Variants in CCDC13 observed in about 807,000 individuals in gnomAD.
CCDC13 encodes coiled-coil domain containing 13.
Under a neutral mutation model 87.3 loss-of-function variants are expected in CCDC13, and 70 were observed. The observed-to-expected ratio is 0.80, with a 90% CI of 0.66 to 0.98. CCDC13 has a LOEUF of 0.98. Among genes scored for constraint, CCDC13 ranks in the 50% least tolerant of loss-of-function variants. CCDC13 has a pLI of 0.00. For missense variants in CCDC13, 842 were observed against 892.0 expected (o/e 0.94, Z 0.71); for synonymous variants, 317 against 360.3 (o/e 0.88, Z 1.36).
In CCDC13 at chr3:42,712,119, T is replaced by C. The variant is rs548893816; in HGVS notation, c.1873+1043A>G. ...CAACACCCTCTTTATGCCCTACTTC[T>C]GGCACACCCTTCTGAAACGTTCTGA... On this transcript the variant is annotated intron_variant, in intron 14 of 15. Transcript: ENST00000310232. 4.2e-4 allele frequency among the ~76,000 whole-genome samples: 64 copies of C among 152,298 alleles called. No individual in the cohort carries two copies. In the South Asian group the frequency reaches 7.9e-3, roughly 19 times the overall value.
intron 1 of CCDC13, among the ~76,000 whole-genome samples, chr3:42,763,358 C>A (rs925778501): frequency 6.6e-6 from 1 of 152,110 alleles, no homozygotes; most frequent in African/African-American, 2.4e-5. Context: ...TTTAACACAT[C>A]CCACAGACAT....
intron 13 of CCDC13, among the ~76,000 whole-genome samples, chr3:42,730,196 G>A (rs1243524203): frequency 6.6e-6 from 1 of 152,008 alleles, no homozygotes; most frequent in Non-Finnish European, 1.5e-5. Flanking sequence ...TTTACTTCTG[G>A]GTGTCTCTCC....
At chr3:42,715,309 CAAAA>C (rs60229512) in intron 13 of CCDC13, among the ~76,000 whole-genome samples, 2 of 143,598 alleles carry the variant, frequency 1.4e-5, no homozygotes, top group African/African-American at 2.6e-5. Flanking sequence ...AACTCTGTCT[CAAAA>C]AAAAAAAAAA....
intron 10 of CCDC13, 121 bp from the exon 11 acceptor site, chr3:42,733,730 G>C: frequency 2.3e-6 from 3 of 1,286,332 alleles, no homozygotes; most frequent in Non-Finnish European, 3.1e-6. Context: ...TTCTTTTCAG[G>C]AGTGAAAAGC....
intron 12 of CCDC13, among the ~76,000 whole-genome samples, chr3:42,730,914 C>G (rs1206690021): frequency 1.3e-5 from 2 of 152,052 alleles, no homozygotes; most frequent in East Asian, 1.9e-4. Flanking sequence ...CCCTGGGTAT[C>G]TGTGTGGCCT....
chr3:42,757,170 T>G lies in CCDC13; in HGVS notation c.266A>C (p.Glu89Ala), dbSNP rs1559660235. The change falls in exon 3 of 16, where the codon GAA becomes GCA. Residue 89 changes from glutamate (E) to alanine (A), a missense_variant. Physicochemically the swap from Glu to Ala is moderately radical, Grantham distance 107. Transcript: ENST00000310232. ...CAATCGCCCGTTCTCGTCCACCGTT[T>G]CCCTGAGCTCATTTCGAAGGTGTTC... is the stretch of plus-strand genomic sequence containing the variant. ...EIEHLRNELR[E>A]TVDENGRLYK... 8.7e-6 allele frequency: 14 copies of G among 1,614,094 alleles called. No homozygotes were observed. Among genetic ancestry groups the G allele is most frequent in the Non-Finnish European group, 1.1e-5 (13 of 1,180,044 alleles).
intron 13 of CCDC13, among the ~76,000 whole-genome samples, chr3:42,726,052 T>G (rs1448520749): frequency 6.6e-6 from 1 of 152,208 alleles, no homozygotes; most frequent in Non-Finnish European, 1.5e-5. Flanking sequence ...GTTGTTGTTT[T>G]GTTTTTGAGA....
At chr3:42,761,147 A>G (rs373325087) in intron 1 of CCDC13, among the ~76,000 whole-genome samples, 103 of 152,248 alleles carry the variant, frequency 6.8e-4, no homozygotes, top group African/African-American at 2.3e-3. Context: ...CCTTAAACCA[A>G]CCTCAAGCCA....
intron 13 of CCDC13, among the ~76,000 whole-genome samples, chr3:42,728,811 G>A (rs1448823761): frequency 6.6e-6 from 1 of 152,172 alleles, no homozygotes; most frequent in Non-Finnish European, 1.5e-5. Context: ...ACACAGAGTA[G>A]CAGGAGGAAC....
rs1698876002 is a variant in CCDC13 at position 42,732,824 on chromosome 3, A to C, written c.1595+63T>G. On this transcript the variant is annotated intron_variant, in intron 12 of 15. Transcript: ENST00000310232. ...TTCCCCTCCTTTTAATGGGATGGCA[A>C]TACTGGTTGAGCAATCAAGAATGGG... 8 of 1,403,804 alleles carry C rather than the reference A, an allele frequency of 5.7e-6. No homozygotes were observed. The Admixed American group carries it at 1.6e-4, about 29-fold the overall frequency. 87.0% of individuals were successfully genotyped at this position (1,403,804 alleles called of 1,614,324 possible). A position where few individuals can be genotyped will look rare whatever the true frequency, so the allele number is the denominator to read the frequency against.
rs772258824 is a variant in CCDC13 at position 42,708,562 on chromosome 3, A to T, written c.*418T>A. 1 of 160,370 alleles carries T rather than the reference A, an allele frequency of 6.2e-6. No individual in the cohort carries two copies. Among genetic ancestry groups the T allele is most frequent in the Non-Finnish European group, 1.4e-5 (1 of 74,008 alleles). The allele number at this position is 160,370 out of a possible 1,614,324, so 9.9% of individuals were successfully genotyped here. On this transcript the variant is annotated 3_prime_UTR_variant, in exon 16 of 16. Transcript: ENST00000310232. ...AGGGGATAGGGCAGGGCTGAGTGGCATGGGGGATATGCCCACTTAGGGTAA... is the reference window on the plus strand; with the variant it reads ...AGGGGATAGGGCAGGGCTGAGTGGCTTGGGGGATATGCCCACTTAGGGTAA...
At chr3:42,730,416 T>TC in intron 13 of CCDC13, 51 bp downstream of exon 13, 1 of 1,593,466 alleles carries the variant, frequency 6.3e-7, no homozygotes, top group African/African-American at 1.3e-5. Flanking sequence ...CTGGCCCCAG[T>TC]CCCCACCACA....
intron 1 of CCDC13, among the ~76,000 whole-genome samples, chr3:42,772,649 G>A (rs1030975266): frequency 6.6e-6 from 1 of 152,186 alleles, no homozygotes; most frequent in African/African-American, 2.4e-5. Context: ...TAGCATCTTC[G>A]TAGGGATGGG....
chr3:42,738,377 T>C (rs1699100647), intron 9 of CCDC13, among the ~76,000 whole-genome samples: 1 of 152,222 alleles, frequency 6.6e-6, no homozygotes, highest in Admixed American at 6.5e-5. Flanking sequence ...TTGCTTAGGA[T>C]TGTCTTGGCA....
At chr3:42,704,271 C>T (rs947764064), downstream of CCDC13, 2 of 152,242 alleles carry the variant, frequency 1.3e-5, no homozygotes, top group South Asian at 2.1e-4. Flanking sequence ...GGGGCGACAA[C>T]CCCGTGCACC....
At chr3:42,721,495 C>G (rs1698558853) in intron 13 of CCDC13, among the ~76,000 whole-genome samples, 1 of 152,204 alleles carries the variant, frequency 6.6e-6, no homozygotes, top group Admixed American at 6.5e-5. Context: ...AATTTTGTTT[C>G]AAACGTTGCT....
At chr3:42,744,361 T>C (rs1474847249) in intron 7 of CCDC13, among the ~76,000 whole-genome samples, 1 of 152,086 alleles carries the variant, frequency 6.6e-6, no homozygotes, top group Non-Finnish European at 1.5e-5. Context: ...CAAAACAATG[T>C]TGGTAAACTT....
intron 1 of CCDC13, among the ~76,000 whole-genome samples, chr3:42,772,063 G>C (rs1291569290): frequency 6.6e-6 from 1 of 151,916 alleles, no homozygotes; most frequent in Non-Finnish European, 1.5e-5. Context: ...CCTGAGGTCA[G>C]GAGTTTGAGA....
intron 11 of CCDC13, among the ~76,000 whole-genome samples, chr3:42,733,180 C>A (rs761400716): frequency 6.6e-6 from 1 of 152,240 alleles, no homozygotes; most frequent in Non-Finnish European, 1.5e-5. Context: ...CAACCCAACA[C>A]GGGTCTGTTT....
Sources: gnomAD v4.1 joint callset for allele counts (sites outside exome capture counted in the v4.1 genomes callset) on GRCh38, gnomAD v4.1.1 for gene constraint, MANE v1.5 for transcripts, NCBI Gene and HGNC (gene_info 2026-07-23, HGNC 2026-07-21) for gene names.